The following SORCS3 variants were observed in gnomAD, a reference collection of about 807,000 sequenced individuals.
The protein encoded by SORCS3 is VPS10 domain-containing receptor SorCS3.
Under a neutral mutation model 146.3 loss-of-function variants are expected in SORCS3, and 57 were observed. The ratio of observed to expected loss-of-function variants is 0.39; its 90% CI spans 0.31 to 0.49. The LOEUF is 0.49. Ranked by LOEUF, SORCS3 falls within the 20% of genes least tolerant of loss-of-function variation. The probability of loss-of-function intolerance (pLI) is 0.92; values close to 1 mark genes in which losing one functional copy is unlikely to be tolerated. For synonymous variants in SORCS3, 653 were observed against 618.5 expected, an observed-to-expected ratio of 1.06 and a Z score of -0.83; for missense variants, 1,341 against 1,575.5, an observed-to-expected ratio of 0.85 and a Z score of 2.52.
At chr10:104,660,542 C>A (rs1057363136) in intron 1 of SORCS3, among the ~76,000 whole-genome samples, 3 of 152,128 alleles carry the variant, frequency 2.0e-5, no homozygotes, top group Admixed American at 2.0e-4. Flanking sequence ...TGGCCCTCAC[C>A]CTCCCCTCTA....
intron 1 of SORCS3, among the ~76,000 whole-genome samples, chr10:104,786,982 A>C (rs1253500196): frequency 6.6e-6 from 1 of 152,250 alleles, no homozygotes; most frequent in Non-Finnish European, 1.5e-5. Context: ...CACCAAAAGC[A>C]TCAGATGGCT....
intron 3 of SORCS3, among the ~76,000 whole-genome samples, chr10:104,943,845 G>A (rs1005196744): frequency 2.6e-5 from 4 of 152,138 alleles, no homozygotes; most frequent in Non-Finnish European, 4.4e-5. Context: ...TGGTATTAGC[G>A]CAAAGATAGA....
At chr10:105,152,216 C>T (rs938768113) in intron 9 of SORCS3, among the ~76,000 whole-genome samples, 7 of 152,124 alleles carry the variant, frequency 4.6e-5, no homozygotes, top group Non-Finnish European at 1.0e-4. Context: ...CAATAATAAC[C>T]ACAGCATACC....
At chr10:104,948,333 G>A (rs1288663136) in intron 3 of SORCS3, among the ~76,000 whole-genome samples, 1 of 152,158 alleles carries the variant, frequency 6.6e-6, no homozygotes, top group Non-Finnish European at 1.5e-5. Context: ...AAATTAGTGG[G>A]TCATTACCAG....
At chr10:104,792,345 C>T (rs1403903385) in intron 1 of SORCS3, among the ~76,000 whole-genome samples, 1 of 152,182 alleles carries the variant, frequency 6.6e-6, no homozygotes, top group East Asian at 1.9e-4. Context: ...TAACCTGGCT[C>T]ACTGCTGCCT....
chr10:104,934,267 A>T (rs2019237853), intron 3 of SORCS3, among the ~76,000 whole-genome samples: 1 of 152,226 alleles, frequency 6.6e-6, no homozygotes, highest in Non-Finnish European at 1.5e-5. Context: ...TACCATGGAG[A>T]ATCTGATTCT....
rs568801867 is a variant in SORCS3, at chr10:104,663,458, G to A, written c.627+21504G>A. Among the ~76,000 whole-genome samples the A allele has an allele frequency of 3.3e-5, 5 of 152,224 alleles. No individual in the cohort carries two copies. In the South Asian group the frequency reaches 8.3e-4, roughly 25 times the overall value. Reference sequence around the variant, plus strand: ...AATATTAAAAGTTGAAAGAGACTTCGAAGGCCATTTAGTTCAACTTCTCCT... The same window carrying A: ...AATATTAAAAGTTGAAAGAGACTTCAAAGGCCATTTAGTTCAACTTCTCCT... On this transcript the variant is annotated intron_variant, in intron 1 of 26. Coordinates refer to ENST00000369701, the MANE Select transcript of SORCS3 (RefSeq NM_014978.3).
chr10:105,178,251 C>T (rs1564776839), intron 14 of SORCS3, 78 bp downstream of exon 14: 18 of 1,167,982 alleles, frequency 1.5e-5, no homozygotes, highest in Non-Finnish European at 1.8e-5. Context: ...GGATTTTTCC[C>T]AGGGAACCCT....
chr10:104,799,486 T>C (rs966595155), intron 1 of SORCS3, among the ~76,000 whole-genome samples: 5 of 151,382 alleles, frequency 3.3e-5, no homozygotes, highest in African/African-American at 9.7e-5. Flanking sequence ...TAAGTGGGAG[T>C]TGAACAATGA....
chr10:105,227,061 C>A (rs1022012795), intron 20 of SORCS3, among the ~76,000 whole-genome samples: 4 of 151,472 alleles, frequency 2.6e-5, no homozygotes, highest in African/African-American at 9.7e-5. Context: ...GTTTAGTTCT[C>A]CTCTGATCTT....
intron 7 of SORCS3, among the ~76,000 whole-genome samples, chr10:105,128,238 C>A (rs1267039306): frequency 6.6e-6 from 1 of 152,160 alleles, no homozygotes; most frequent in Non-Finnish European, 1.5e-5. Flanking sequence ...GATGGGGAAG[C>A]TCCAAGAAGT....
chr10:104,667,499 C>A (rs544802732), intron 1 of SORCS3, among the ~76,000 whole-genome samples: 1 of 152,272 alleles, frequency 6.6e-6, no homozygotes, highest in Admixed American at 6.5e-5. Flanking sequence ...CAGGCTCTAG[C>A]CTGATCTAGG....
chr10:105,162,117 C>T (rs703491), intron 11 of SORCS3, among the ~76,000 whole-genome samples: 31,177 of 152,076 alleles, frequency 0.21, 3,221 homozygotes, highest in South Asian at 0.24. Flanking sequence ...GTGAGAGAAG[C>T]GTAGCTAGCC....
chr10:105,238,505 AT>A, intron 20 of SORCS3, among the ~76,000 whole-genome samples: 1 of 152,134 alleles, frequency 6.6e-6, no homozygotes, highest in African/African-American at 2.4e-5. Context: ...AAAGAGAGGG[AT>A]TTTTGTGTGG....
intron 4 of SORCS3, among the ~76,000 whole-genome samples, chr10:105,014,144 A>C (rs2055152176): frequency 6.7e-6 from 1 of 149,590 alleles, no homozygotes; most frequent in East Asian, 1.9e-4. Context: ...TAACAACGTA[A>C]TATAAAAAAA....
chr10:104,722,439 CT>C (rs1047557408), intron 1 of SORCS3, among the ~76,000 whole-genome samples: 1 of 150,600 alleles, frequency 6.6e-6, no homozygotes, highest in African/African-American at 2.4e-5. Context: ...CTAAAATTCT[CT>C]TTTTTTGTTG....
intron 1 of SORCS3, among the ~76,000 whole-genome samples, chr10:104,712,161 A>T (rs770940848): frequency 1.3e-5 from 2 of 152,116 alleles, no homozygotes; most frequent in Non-Finnish European, 2.9e-5. Flanking sequence ...TGTATGCATC[A>T]TCTCCTTGAA....
At chr10:104,796,712 A>C (rs2017560960) in intron 1 of SORCS3, among the ~76,000 whole-genome samples, 1 of 152,254 alleles carries the variant, frequency 6.6e-6, no homozygotes, top group South Asian at 2.1e-4. Context: ...CTTGTGAAGA[A>C]GGTGGCACAT....
In SORCS3 at chr10:104,984,073, G is replaced by A. The variant is rs371036932; in HGVS notation, c.954+6580G>A. On this transcript the variant is annotated intron_variant, in intron 4 of 26. Transcript: ENST00000369701. ...GCCACTACCTTCCACCCTCAGTGGA[G>A]CCACTCTCCGTCAAGGTCATTTTTT... is the stretch of plus-strand genomic sequence containing the variant. Among the ~76,000 whole-genome samples, 5 of 152,118 alleles carry A rather than the reference G, an allele frequency of 3.3e-5. No homozygotes were observed. The East Asian group carries it at 9.6e-4, about 29-fold the overall frequency.
Sources: gnomAD v4.1 joint callset for allele counts (sites outside exome capture counted in the v4.1 genomes callset) on GRCh38, gnomAD v4.1.1 for gene constraint, MANE v1.5 for transcripts, NCBI Gene and HGNC (gene_info 2026-07-23, HGNC 2026-07-21) for gene names.